ATP2B2: variants seen among roughly 807,000 people sequenced by gnomAD.
The protein encoded by ATP2B2 is ATPase plasma membrane Ca2+ transporting 2, also known as plasma membrane calcium-transporting ATPase 2.
A neutral mutation model predicts 120.0 loss-of-function variants in ATP2B2; 15 were observed. That is an observed-to-expected ratio of 0.12 (90% CI 0.08 to 0.19). The LOEUF is 0.19. ATP2B2 is among the 10% of genes least tolerant of loss of function. ATP2B2 has a pLI of 1.00. For missense variants in ATP2B2, 1,045 were observed against 1,719.8 expected (o/e 0.61, Z 6.94); for synonymous variants, 694 against 700.3 (o/e 0.99, Z 0.14).
intron 2 of ATP2B2, among the ~76,000 whole-genome samples, chr3:10,574,867 C>T (rs1052661631): frequency 6.6e-6 from 1 of 151,918 alleles, no homozygotes; most frequent in African/African-American, 2.4e-5. Flanking sequence ...ATGGAAGACC[C>T]GGTGAGGAGG....
intron 1 of ATP2B2, among the ~76,000 whole-genome samples, chr3:10,692,341 G>C (rs2071679561): frequency 6.6e-6 from 1 of 152,190 alleles, no homozygotes; most frequent in African/African-American, 2.4e-5. Flanking sequence ...ATTAATTTCT[G>C]CTTTGTGGGC....
In ATP2B2 at chr3:10,523,820, C is replaced by T. The variant is rs567414335; in HGVS notation, c.-320+10219G>A. ...GCCCAGGCATTTATCTCTAGGCCCCCGTTTCCTCTTCTCTAAAATGCAGAA... is the reference window on the plus strand; with the variant it reads ...GCCCAGGCATTTATCTCTAGGCCCCTGTTTCCTCTTCTCTAAAATGCAGAA... On this transcript the variant is annotated intron_variant, in intron 3 of 21. Coordinates refer to the ATP2B2 transcript ENST00000646379. Among the ~76,000 whole-genome samples, 17 of 149,864 alleles carry T rather than the reference C, an allele frequency of 1.1e-4. No homozygotes were observed. The East Asian group carries it at 1.8e-3, about 16-fold the overall frequency.
chr3:10,694,774 A>G (rs1281389564), intron 1 of ATP2B2, among the ~76,000 whole-genome samples: 1 of 151,612 alleles, frequency 6.6e-6, no homozygotes, highest in African/African-American at 2.4e-5. Context: ...CTTCTGGAAA[A>G]CTCTTTGCAC....
At chr3:10,410,199 C>A (rs1289167324) in intron 3 of ATP2B2, among the ~76,000 whole-genome samples, 1 of 152,132 alleles carries the variant, frequency 6.6e-6, no homozygotes, top group Non-Finnish European at 1.5e-5. Context: ...TACTTAGTTA[C>A]ATGAGTAAGT....
At chr3:10,542,791 A>C (rs894775454) in intron 2 of ATP2B2, among the ~76,000 whole-genome samples, 1 of 152,008 alleles carries the variant, frequency 6.6e-6, no homozygotes, top group African/African-American at 2.4e-5. Context: ...TTAGAAATGT[A>C]TTTTTTGTCT....
At chr3:10,489,381 C>T (rs375694629) in intron 1 of ATP2B2, among the ~76,000 whole-genome samples, 3 of 152,206 alleles carry the variant, frequency 2.0e-5, no homozygotes, top group Non-Finnish European at 4.4e-5. Flanking sequence ...CCCCAGACAG[C>T]GTTTGCTAAA....
At chr3:10,556,127 G>A (rs544029232) in intron 2 of ATP2B2, among the ~76,000 whole-genome samples, 17 of 152,228 alleles carry the variant, frequency 1.1e-4, no homozygotes, top group African/African-American at 1.9e-4. Context: ...CTCAAACTCC[G>A]GACCTGAAGT....
chr3:10,564,162 T>C, intron 2 of ATP2B2, among the ~76,000 whole-genome samples: 1 of 152,206 alleles, frequency 6.6e-6, no homozygotes, highest in Non-Finnish European at 1.5e-5. Flanking sequence ...AGGACCTGTC[T>C]GTCAGAAAAA....
chr3:10,368,833 T>TC (rs1197364773), intron 12 of ATP2B2, among the ~76,000 whole-genome samples: 1 of 151,964 alleles, frequency 6.6e-6, no homozygotes, highest in Non-Finnish European at 1.5e-5. Flanking sequence ...CATCCATCCA[T>TC]CCCCCCTTCT....
chr3:10,442,283 C>A (rs2063694301), intron 2 of ATP2B2, among the ~76,000 whole-genome samples: 1 of 152,082 alleles, frequency 6.6e-6, no homozygotes, highest in African/African-American at 2.4e-5. Context: ...ACGGGAAGCA[C>A]CTAGTGAGCC....
chr3:10,569,098 A>T (rs530773818), intron 2 of ATP2B2, among the ~76,000 whole-genome samples: 6 of 152,332 alleles, frequency 3.9e-5, no homozygotes, highest in African/African-American at 1.4e-4. Flanking sequence ...GAGGGGTGAC[A>T]TGAATGATCT....
chr3:10,495,950 C>A (rs1488333409), intron 1 of ATP2B2, among the ~76,000 whole-genome samples: 1 of 152,236 alleles, frequency 6.6e-6, no homozygotes, highest in Non-Finnish European at 1.5e-5. Context: ...GTTTCTGGAG[C>A]TGATTCATCT....
At chr3:10,660,961 G>A (rs1312646175) in intron 1 of ATP2B2, among the ~76,000 whole-genome samples, 1 of 152,114 alleles carries the variant, frequency 6.6e-6, no homozygotes, top group Admixed American at 6.5e-5. Context: ...ATCAATAAAC[G>A]TAACCCAGCA....
intron 2 of ATP2B2, among the ~76,000 whole-genome samples, chr3:10,443,469 T>A (rs1467516973): frequency 1.3e-5 from 2 of 152,084 alleles, no homozygotes; most frequent in Non-Finnish European, 2.9e-5. Flanking sequence ...GAGAGCGTAG[T>A]CTGGGATTTT....
intron 2 of ATP2B2, among the ~76,000 whole-genome samples, chr3:10,606,905 A>ACACACG (rs2069085779): frequency 3.8e-5 from 1 of 26,480 alleles, no homozygotes; most frequent in African/African-American, 1.2e-4. Flanking sequence ...ACACACACAC[A>ACACACG]CACACACAGA....
chr3:10,565,916 A>C (rs2068000070), intron 2 of ATP2B2, among the ~76,000 whole-genome samples: 1 of 152,000 alleles, frequency 6.6e-6, no homozygotes, highest in Admixed American at 6.5e-5. Context: ...CACTTCATCC[A>C]TCCATCCTTC....
intron 2 of ATP2B2, among the ~76,000 whole-genome samples, chr3:10,597,773 A>G (rs901911846): frequency 6.6e-6 from 1 of 152,168 alleles, no homozygotes; most frequent in Non-Finnish European, 1.5e-5. Flanking sequence ...TCTATTGCAT[A>G]TAAGTAAACT....
chr3:10,598,081 G>A (rs1280696022), intron 2 of ATP2B2, among the ~76,000 whole-genome samples: 1 of 152,202 alleles, frequency 6.6e-6, no homozygotes. Context: ...AGACAAACGG[G>A]AAAAGACCCC....
chr3:10,484,760 G>C (rs1407069154), intron 1 of ATP2B2, among the ~76,000 whole-genome samples: 1 of 152,206 alleles, frequency 6.6e-6, no homozygotes, highest in Non-Finnish European at 1.5e-5. Context: ...TTACACACCA[G>C]AGGCCCATGA....
Sources: allele counts gnomAD v4.1 joint callset (sites outside exome capture counted in the v4.1 genomes callset), GRCh38; gene constraint gnomAD v4.1.1; transcripts MANE v1.5; gene names NCBI Gene and HGNC (gene_info 2026-07-23, HGNC 2026-07-21).